The following PRCP variants were observed in gnomAD, a reference collection of about 807,000 sequenced individuals.
The protein encoded by PRCP is prolylcarboxypeptidase.
In PRCP, 46 loss-of-function variants were observed where a neutral mutation model predicts 54.2. The observed-to-expected ratio is 0.85, with a 90% CI of 0.67 to 1.09. PRCP has a LOEUF of 1.09. PRCP is among the 50% of genes least tolerant of loss of function. The probability of loss-of-function intolerance (pLI) is 0.00; values close to 1 mark genes in which losing one functional copy is unlikely to be tolerated. For missense variants in PRCP, 613 were observed against 596.8 expected, an observed-to-expected ratio of 1.03 and a Z score of -0.28; for synonymous variants, 240 against 212.2, an observed-to-expected ratio of 1.13 and a Z score of -1.14.
intron 3 of PRCP, among the ~76,000 whole-genome samples, chr11:82,852,823 T>A (rs1858988524): frequency 6.6e-6 from 1 of 152,228 alleles, no homozygotes; most frequent in Admixed American, 6.5e-5. Flanking sequence ...TCATTATATT[T>A]TTTCCAGTGG....
At chr11:82,838,147 T>C (rs1858569578) in intron 8 of PRCP, among the ~76,000 whole-genome samples, 1 of 152,210 alleles carries the variant, frequency 6.6e-6, no homozygotes, top group Admixed American at 6.5e-5. Context: ...AGAGTTTTTT[T>C]AATATTTAAA....
intron 6 of PRCP, among the ~76,000 whole-genome samples, chr11:82,845,094 T>C (rs922385299): frequency 2.7e-5 from 4 of 149,782 alleles, no homozygotes; most frequent in African/African-American, 7.4e-5. Flanking sequence ...AGAATAAAGA[T>C]GAACATTCAG....
chr11:82,888,175 C>T (rs1365065076), intron 1 of PRCP, among the ~76,000 whole-genome samples: 1 of 152,116 alleles, frequency 6.6e-6, no homozygotes, highest in Non-Finnish European at 1.5e-5. Flanking sequence ...ACCTTTCTGC[C>T]CATACATACC....
At chr11:82,879,658 C>T in intron 1 of PRCP, among the ~76,000 whole-genome samples, 1 of 152,226 alleles carries the variant, frequency 6.6e-6, no homozygotes, top group Admixed American at 6.5e-5. Flanking sequence ...TTCTCCCCAT[C>T]TTTGTGGTTT....
Position 82,853,276 on chromosome 11 carries a change from C to T in PRCP, c.312G>A (p.Gly104=). 1 of 1,608,698 alleles carries T rather than the reference C, an allele frequency of 6.2e-7. No individual in the cohort carries two copies. Among genetic ancestry groups the T allele is most frequent in the South Asian group, 1.1e-5 (1 of 90,378 alleles). Reference sequence around the variant, plus strand: ...GTTCCTCAGCCACATCCCACATGAACCCCTAAGAAGAGTTTACAAAATCAC... The same window carrying T: ...GTTCCTCAGCCACATCCCACATGAATCCCTAAGAAGAGTTTACAAAATCAC... ...GDIIWFCNNT[G]FMWDVAEELK... The change falls in exon 3 of 9, where the codon GGG becomes GGA. Residue 104 remains glycine (G), a splice_region_variant and synonymous_variant. Transcript: ENST00000313010.
At chr11:82,880,178 G>C (rs1302193097) in intron 1 of PRCP, among the ~76,000 whole-genome samples, 1 of 152,246 alleles carries the variant, frequency 6.6e-6, no homozygotes, top group Admixed American at 6.5e-5. Flanking sequence ...TTGAGCTGCA[G>C]TGGGCTCCAC....
intron 3 of PRCP, among the ~76,000 whole-genome samples, chr11:82,851,301 A>G (rs1179719089): frequency 6.6e-6 from 1 of 151,986 alleles, no homozygotes; most frequent in Admixed American, 6.6e-5. Flanking sequence ...GTTCTAATGA[A>G]TAGAATGGGG....
At chr11:82,868,872 C>G (rs1255790929) in intron 1 of PRCP, among the ~76,000 whole-genome samples, 7 of 151,768 alleles carry the variant, frequency 4.6e-5, no homozygotes, top group African/African-American at 1.7e-4. Flanking sequence ...CTCTTCTCTA[C>G]AAAAATACAA....
chr11:82,846,730 G>T (rs1057508206), intron 6 of PRCP, among the ~76,000 whole-genome samples: 2 of 152,174 alleles, frequency 1.3e-5, no homozygotes, highest in Admixed American at 6.5e-5. Context: ...ATACTCTGCT[G>T]GTTTTGAGTA....
rs944856229 is a variant in PRCP at position 82,882,747 on chromosome 11, G to A, written c.168+17488C>T. 6.8e-5 allele frequency among the ~76,000 whole-genome samples: 10 copies of A among 147,764 alleles called. 2 individuals carry two copies. Among genetic ancestry groups the A allele is most frequent in the Admixed American group, 2.0e-4 (3 of 15,040 alleles). ...CCTGACCTCGTGATCCGCCCGCCTC[G>A]GCCTCCCAAAGTGCTGGGATTACAG... On this transcript the variant is annotated intron_variant, in intron 1 of 8. Coordinates refer to ENST00000313010, the MANE Select transcript of PRCP (RefSeq NM_005040.4).
At chr11:82,861,369 A>G (rs778327839) in intron 1 of PRCP, among the ~76,000 whole-genome samples, 6 of 152,226 alleles carry the variant, frequency 3.9e-5, no homozygotes, top group Non-Finnish European at 8.8e-5. Flanking sequence ...TAAAAGCATT[A>G]GGAAAATGAA....
intron 2 of PRCP, among the ~76,000 whole-genome samples, chr11:82,856,132 C>G (rs532116953): frequency 6.6e-6 from 1 of 152,032 alleles, no homozygotes; most frequent in African/African-American, 2.4e-5. Context: ...ATAGTGAAAC[C>G]CTTTTCTCTA....
At chr11:82,882,260 C>A (rs1427409806) in intron 1 of PRCP, among the ~76,000 whole-genome samples, 1 of 151,788 alleles carries the variant, frequency 6.6e-6, no homozygotes, top group African/African-American at 2.4e-5. Flanking sequence ...CAGTTCAAAC[C>A]CATGTTGTTC....
chr11:82,895,933 G>A (rs1174427468), intron 1 of PRCP, among the ~76,000 whole-genome samples: 1 of 152,162 alleles, frequency 6.6e-6, no homozygotes, highest in Admixed American at 6.5e-5. Context: ...AATGAGGAAG[G>A]AGCTGCAGAA....
intron 2 of PRCP, among the ~76,000 whole-genome samples, chr11:82,859,480 C>G (rs1197147988): frequency 6.6e-6 from 1 of 152,084 alleles, no homozygotes; most frequent in Non-Finnish European, 1.5e-5. Context: ...ACTAAACATA[C>G]AAAAATTCCC....
intron 1 of PRCP, among the ~76,000 whole-genome samples, chr11:82,891,682 T>C (rs1172886045): frequency 6.6e-6 from 1 of 152,176 alleles, no homozygotes; most frequent in Non-Finnish European, 1.5e-5. Flanking sequence ...TTTTTGCACT[T>C]GACCTTCCCT....
At position 82,823,133 on chromosome 11, in the gene PRCP, T is replaced by C. The variant is rs1221369308; in HGVS notation, c.*1773A>G. Among the ~76,000 whole-genome samples, 1 of 152,156 alleles carries C rather than the reference T, an allele frequency of 6.6e-6. No individual in the cohort carries two copies. The highest frequency in any genetic ancestry group is 2.4e-5 in the African/African-American group (1 of 41,436). Reference sequence around the variant, plus strand: ...GATACAATTATGCTTGCCAAAAAATTCTATTTTTTGCAGTTTGTTTCTTCA... The same window carrying C: ...GATACAATTATGCTTGCCAAAAAATCCTATTTTTTGCAGTTTGTTTCTTCA... On this transcript the variant is annotated 3_prime_UTR_variant, in exon 9 of 9. Coordinates refer to ENST00000313010, the MANE Select transcript of PRCP (RefSeq NM_005040.4).
chr11:82,900,127 T>C (rs983016915), intron 1 of PRCP, 108 bp downstream of exon 1: 7 of 1,385,978 alleles, frequency 5.1e-6, no homozygotes, highest in Admixed American at 4.2e-5. Context: ...GAACAGATCC[T>C]AGGCATCAAG....
At chr11:82,853,482 C>T (rs1342922262) in intron 2 of PRCP, among the ~76,000 whole-genome samples, 2 of 152,146 alleles carry the variant, frequency 1.3e-5, no homozygotes, top group Non-Finnish European at 2.9e-5. Flanking sequence ...ATGAGTGAAA[C>T]AATTAAAAAT....
Sources: gnomAD v4.1 joint callset for allele counts (sites outside exome capture counted in the v4.1 genomes callset) on GRCh38, gnomAD v4.1.1 for gene constraint, MANE v1.5 for transcripts, NCBI Gene and HGNC (gene_info 2026-07-23, HGNC 2026-07-21) for gene names.